Variants in PUS10 observed in about 807,000 individuals in gnomAD.
PUS10 encodes the protein pseudouridine synthase 10.
In PUS10, 59 loss-of-function variants were observed where a neutral mutation model predicts 75.0. The observed-to-expected ratio is 0.79, with a 90% CI of 0.64 to 0.98. The LOEUF (loss-of-function observed/expected upper bound fraction) is 0.98, where lower values mean the gene tolerates loss of function less well. PUS10 is among the 50% of genes least tolerant of loss of function. PUS10 has a pLI of 0.00. For missense variants in PUS10, 650 were observed against 614.4 expected, an observed-to-expected ratio of 1.06 and a Z score of -0.61; for synonymous variants, 219 against 211.6, an observed-to-expected ratio of 1.03 and a Z score of -0.30.
intron 16 of PUS10, among the ~76,000 whole-genome samples, chr2:60,947,394 C>G (rs1223732221): frequency 6.6e-6 from 1 of 152,016 alleles, no homozygotes; most frequent in South Asian, 2.1e-4. Flanking sequence ...ACGTGACTTG[C>G]AAAAAATGTC....
chr2:61,011,867 G>T lies in PUS10; in HGVS notation c.24C>A (p.Asn8Lys). The T allele has an allele frequency of 1.0e-5, 16 of 1,603,618 alleles. No homozygotes were observed. The highest frequency in any genetic ancestry group is 1.4e-5 in the Non-Finnish European group (16 of 1,176,234). The stretch of plus-strand genomic sequence containing the variant: ...TGAGCAACAACTGGGCCACATGCTT[G>T]TTTTCCTCAGTCAGTGGGAACATAT... MFPLTEENKHVAQLLLNT... is the reference protein window; with the variant it reads MFPLTEEKKHVAQLLLNT... The change falls in exon 2 of 18, where the codon AAC becomes AAA. Residue 8 changes from asparagine to lysine, a missense_variant. Asn to Lys is a moderately conservative substitution (Grantham distance 94). Transcript: ENST00000316752.
chr2:60,947,011 T>G (rs972970335), intron 16 of PUS10, among the ~76,000 whole-genome samples: 1 of 152,222 alleles, frequency 6.6e-6, no homozygotes, highest in African/African-American at 2.4e-5. Flanking sequence ...CTAAGCCTAT[T>G]GGAGCTCCCT....
At chr2:60,988,802 ATTTT>A (rs574393734) in intron 4 of PUS10, among the ~76,000 whole-genome samples, 1 of 135,060 alleles carries the variant, frequency 7.4e-6, no homozygotes, top group Non-Finnish European at 1.6e-5. Context: ...TACCGGGTTA[ATTTT>A]TTTTTTTTTT....
At chr2:60,973,574 A>C (rs941641467) in intron 4 of PUS10, among the ~76,000 whole-genome samples, 4 of 152,230 alleles carry the variant, frequency 2.6e-5, no homozygotes, top group African/African-American at 9.6e-5. Context: ...CAAGTACGGG[A>C]GGGAGGCCAA....
chr2:61,012,446 T>A (rs1573528882), intron 1 of PUS10, among the ~76,000 whole-genome samples: 1 of 151,868 alleles, frequency 6.6e-6, no homozygotes. Context: ...AGACTAGCCA[T>A]AGAAAAACTA....
chr2:60,993,139 T>C (rs1213209435), intron 4 of PUS10, among the ~76,000 whole-genome samples: 2 of 152,114 alleles, frequency 1.3e-5, no homozygotes, highest in South Asian at 2.1e-4. Flanking sequence ...ACTAGGGTTT[T>C]TTACATCAGA....
intron 4 of PUS10, among the ~76,000 whole-genome samples, chr2:60,971,849 T>G (rs572870714): frequency 6.6e-6 from 1 of 151,386 alleles, no homozygotes; most frequent in African/African-American, 2.4e-5. Flanking sequence ...AGTGTTTCTT[T>G]TTCTTTCTTT....
Position 60,942,953 on chromosome 2 carries a change from C to T in PUS10, c.1552-520G>A, listed in dbSNP as rs1674705364. On this transcript the variant is annotated intron_variant, in intron 17 of 17. Transcript: ENST00000316752. The stretch of plus-strand genomic sequence containing the variant: ...AGCTGAGGCAGGAGAACAGCTTGAG[C>T]CCAGGAGGCAGAGGTTGCAGTGAGC... Among the ~76,000 whole-genome samples the T allele has an allele frequency of 2.0e-5, 3 of 151,216 alleles. No homozygotes were observed. In the South Asian group the frequency reaches 6.2e-4, roughly 31 times the overall value.
intron 4 of PUS10, among the ~76,000 whole-genome samples, chr2:60,974,532 G>A (rs1311640563): frequency 2.6e-5 from 4 of 152,194 alleles, no homozygotes; most frequent in Non-Finnish European, 4.4e-5. Flanking sequence ...CACGGGGGAC[G>A]AGAAGGAGAG....
chr2:60,995,416 T>C (rs1678388631), intron 4 of PUS10, among the ~76,000 whole-genome samples: 1 of 152,212 alleles, frequency 6.6e-6, no homozygotes, highest in Non-Finnish European at 1.5e-5. Flanking sequence ...ACATATATAT[T>C]TGTTATTATT....
chr2:60,998,173 A>G (rs1369644809), intron 4 of PUS10, among the ~76,000 whole-genome samples: 1 of 152,234 alleles, frequency 6.6e-6, no homozygotes, highest in East Asian at 1.9e-4. Flanking sequence ...AATCAATAAC[A>G]GAAGGGAAAT....
At chr2:61,016,582 ACT>A in intron 1 of PUS10, among the ~76,000 whole-genome samples, 3 of 152,202 alleles carry the variant, frequency 2.0e-5, no homozygotes, top group Middle Eastern at 3.4e-3. Flanking sequence ...TATAGAAATA[ACT>A]CTGTAACAAG....
chr2:60,954,771 G>A (rs945961336), intron 12 of PUS10, among the ~76,000 whole-genome samples: 10 of 152,162 alleles, frequency 6.6e-5, no homozygotes, highest in African/African-American at 2.4e-4. Context: ...CTTTGTTAAT[G>A]CACATGCAAG....
At chr2:60,985,135 A>G (rs1328186222) in intron 4 of PUS10, among the ~76,000 whole-genome samples, 1 of 152,244 alleles carries the variant, frequency 6.6e-6, no homozygotes. Flanking sequence ...TTTGTATAAC[A>G]GTAAGTTTGC....
intron 1 of PUS10, chr2:61,017,640 C>A (rs1680088547): frequency 4.1e-6 from 3 of 725,982 alleles, no homozygotes; most frequent in South Asian, 1.8e-5. Flanking sequence ...GTCCTGACTG[C>A]AAGGGTGGGC....
chr2:60,960,624 T>C, intron 10 of PUS10, 107 bp from the exon 11 acceptor site: 1 of 1,021,178 alleles, frequency 9.8e-7, no homozygotes, highest in Non-Finnish European at 1.4e-6. Flanking sequence ...TGCTACGATA[T>C]AAAACAAGGC....
In PUS10 at chr2:60,982,045, T is replaced by G. The variant is rs527359390; in HGVS notation, c.469-10488A>C. The stretch of plus-strand genomic sequence containing the variant: ...ACTCAAGAAGAGGGAAAAAACAGAT[T>G]GACCAATAACTTTTCTTTTTCCATC... On this transcript the variant is annotated intron_variant, in intron 4 of 17. Coordinates refer to ENST00000316752, the MANE Select transcript of PUS10 (RefSeq NM_144709.4). Among the ~76,000 whole-genome samples the G allele has an allele frequency of 2.6e-5, 4 of 151,878 alleles. No individual in the cohort carries two copies. In the South Asian group the frequency reaches 6.2e-4, roughly 24 times the overall value.
chr2:60,986,658 A>C (rs1218813085), intron 4 of PUS10, among the ~76,000 whole-genome samples: 1 of 152,238 alleles, frequency 6.6e-6, no homozygotes, highest in Non-Finnish European at 1.5e-5. Context: ...AACTTCAAAC[A>C]AAATCTTTCC....
In PUS10 at chr2:61,018,217, A is replaced by G; in HGVS notation, c.-225T>C. On this transcript the variant is annotated 5_prime_UTR_variant, in exon 1 of 18. It removes an upstream start codon present in the reference 5' UTR. Transcript: ENST00000316752. ...TTGGTCTGTAGCAGTTGAGAGCGGCATTTGTCCAGCCACGGCATCGACAGG... is the reference window on the plus strand; with the variant it reads ...TTGGTCTGTAGCAGTTGAGAGCGGCGTTTGTCCAGCCACGGCATCGACAGG... 6.4e-7 allele frequency: 1 copy of G among 1,550,982 alleles called. No individual in the cohort carries two copies. Among genetic ancestry groups the G allele is most frequent in the Non-Finnish European group, 8.7e-7 (1 of 1,146,886 alleles).
Sources: gnomAD v4.1 joint callset for allele counts (sites outside exome capture counted in the v4.1 genomes callset) on GRCh38, gnomAD v4.1.1 for gene constraint, MANE v1.5 for transcripts, NCBI Gene and HGNC (gene_info 2026-07-23, HGNC 2026-07-21) for gene names.